NALCN: variants seen among roughly 807,000 people sequenced by gnomAD.
NALCN encodes the protein sodium leak channel, non-selective, also known as sodium leak channel NALCN.
Under a neutral mutation model 225.3 loss-of-function variants are expected in NALCN, and 111 were observed. That is an observed-to-expected ratio of 0.49 (90% CI 0.42 to 0.58). The LOEUF (loss-of-function observed/expected upper bound fraction) is 0.58. Among genes scored for constraint, NALCN ranks in the 20% least tolerant of loss-of-function variants. The pLI is 0.00. For synonymous variants in NALCN, 764 were observed against 769.0 expected (o/e 0.99, Z 0.11); for missense variants, 1,378 against 2,202.4 (o/e 0.63, Z 7.49).
intron 43 of NALCN, 149 bp from the exon 44 acceptor site, chr13:101,055,637 ATTCT>A (rs1222682523): frequency 5.2e-6 from 3 of 576,850 alleles, no homozygotes; most frequent in African/African-American, 3.8e-5. Flanking sequence ...TCAGGACTTG[ATTCT>A]TTATGTTCAC....
At chr13:101,196,392 A>G (rs999529123) in intron 13 of NALCN, among the ~76,000 whole-genome samples, 3 of 152,146 alleles carry the variant, frequency 2.0e-5, no homozygotes, top group Non-Finnish European at 4.4e-5. Flanking sequence ...TTACTCTCAT[A>G]GATATTATTC....
chr13:101,188,646 A>G (rs777601339), intron 14 of NALCN, among the ~76,000 whole-genome samples: 1 of 144,480 alleles, frequency 6.9e-6, no homozygotes, highest in Non-Finnish European at 1.5e-5. Flanking sequence ...ACATATATAC[A>G]CACACACACG....
chr13:101,109,270 GC>G (rs1361744041), intron 20 of NALCN, among the ~76,000 whole-genome samples: 1 of 152,178 alleles, frequency 6.6e-6, no homozygotes, highest in Non-Finnish European at 1.5e-5. Context: ...CAATATGGTA[GC>G]CAATCAGATA....
chr13:101,214,460 T>C (rs1408251336), intron 13 of NALCN, among the ~76,000 whole-genome samples: 1 of 151,776 alleles, frequency 6.6e-6, no homozygotes, highest in African/African-American at 2.4e-5. Flanking sequence ...AAAAAGTCTA[T>C]CCATCTGAGA....
Position 101,067,909 on chromosome 13 carries a change from C to A in NALCN, c.4446+9G>T. On this transcript the variant is annotated intron_variant, in intron 39 of 43. Coordinates refer to ENST00000251127, the MANE Select transcript of NALCN (RefSeq NM_052867.4). Reference sequence around the variant, plus strand: ...AGGTGAGGCATGAAACAACAACCCACTCCCATACCTCTCTTTTATCATCCA... The same window carrying A: ...AGGTGAGGCATGAAACAACAACCCAATCCCATACCTCTCTTTTATCATCCA... The A allele has an allele frequency of 6.3e-7, 1 of 1,579,696 alleles. No individual in the cohort carries two copies. The highest frequency in any genetic ancestry group is 8.7e-7 in the Non-Finnish European group (1 of 1,150,426).
At chr13:101,276,719 A>AT (rs2042983834) in intron 10 of NALCN, among the ~76,000 whole-genome samples, 1 of 152,272 alleles carries the variant, frequency 6.6e-6, no homozygotes, top group Non-Finnish European at 1.5e-5. Context: ...AATAGAGCCT[A>AT]TTTTTTCTGT....
intron 18 of NALCN, among the ~76,000 whole-genome samples, chr13:101,114,714 T>A (rs2035620633): frequency 6.6e-6 from 1 of 152,226 alleles, no homozygotes; most frequent in Non-Finnish European, 1.5e-5. Context: ...AACTGTGAGA[T>A]GAAAAACGTG....
At chr13:101,092,982 C>T (rs1042010272) in intron 28 of NALCN, among the ~76,000 whole-genome samples, 1 of 152,046 alleles carries the variant, frequency 6.6e-6, no homozygotes, top group Non-Finnish European at 1.5e-5. Flanking sequence ...TAGGGGCCAT[C>T]GCTTATTCAG....
At chr13:101,179,634 A>T (rs2139953599) in intron 14 of NALCN, among the ~76,000 whole-genome samples, 1 of 152,242 alleles carries the variant, frequency 6.6e-6, no homozygotes, top group South Asian at 2.1e-4. Flanking sequence ...AGGGGAACTG[A>T]TGAGGCTGTA....
At chr13:101,377,890 T>A (rs2046739700) in intron 4 of NALCN, among the ~76,000 whole-genome samples, 2 of 152,146 alleles carry the variant, frequency 1.3e-5, no homozygotes, top group Admixed American at 6.5e-5. Flanking sequence ...CAAAATCATG[T>A]CTGAATGAAT....
intron 10 of NALCN, among the ~76,000 whole-genome samples, chr13:101,270,481 T>C (rs529251501): frequency 6.6e-6 from 1 of 152,366 alleles, no homozygotes; most frequent in Non-Finnish European, 1.5e-5. Context: ...TGAAGCTAGC[T>C]GTCCTTTCTA....
intron 37 of NALCN, among the ~76,000 whole-genome samples, chr13:101,070,680 T>C (rs2032810620): frequency 6.6e-6 from 1 of 152,184 alleles, no homozygotes. Flanking sequence ...GCAGTAGGTC[T>C]CAAGAGTGGG....
chr13:101,258,746 C>A (rs566261197), intron 10 of NALCN, among the ~76,000 whole-genome samples, 172 bp from the exon 11 acceptor site: 1 of 152,300 alleles, frequency 6.6e-6, no homozygotes, highest in Non-Finnish European at 1.5e-5. Context: ...GCAAGGGAAC[C>A]TTTCTTTCAG....
intron 3 of NALCN, among the ~76,000 whole-genome samples, chr13:101,386,486 A>G (rs890997289): frequency 1.3e-5 from 2 of 152,164 alleles, no homozygotes; most frequent in African/African-American, 4.8e-5. Flanking sequence ...CTGGATGACT[A>G]AAGGAAAACT....
Position 101,143,152 on chromosome 13 carries a change from C to T in NALCN, c.2046G>A (p.Pro682=), listed in dbSNP as rs767690254. ...QDTCCLLRSL[P]TTSSSSCDHS... ...GGTCGCAGGAGGAGGAAGAGGTGGT[C>T]GGGAGGCTTCTCAGGAGGCAACATG... is the stretch of plus-strand genomic sequence containing the variant. The change falls in exon 17 of 44, where the codon CCG becomes CCA. Residue 682 remains proline, a synonymous_variant. Transcript: ENST00000251127. 1.6e-5 allele frequency: 26 copies of T among 1,613,914 alleles called. No individual in the cohort carries two copies. Among genetic ancestry groups the T allele is most frequent in the African/African-American group, 8.0e-5 (6 of 74,878 alleles).
intron 7 of NALCN, among the ~76,000 whole-genome samples, chr13:101,298,785 T>C (rs908170840): frequency 1.3e-5 from 2 of 152,182 alleles, no homozygotes; most frequent in Non-Finnish European, 2.9e-5. Flanking sequence ...ACCCCTGACC[T>C]CTACCCACTA....
chr13:101,228,259 C>T (rs533567032), intron 13 of NALCN, among the ~76,000 whole-genome samples: 1 of 152,102 alleles, frequency 6.6e-6, no homozygotes, highest in South Asian at 2.1e-4. Flanking sequence ...AAAAAAATCC[C>T]TAAAATAAAG....
At chr13:101,281,671 A>G (rs1410525207) in intron 10 of NALCN, among the ~76,000 whole-genome samples, 1 of 152,192 alleles carries the variant, frequency 6.6e-6, no homozygotes, top group Non-Finnish European at 1.5e-5. Flanking sequence ...ATAACTAACA[A>G]TAAACAAAAT....
chr13:101,168,990 G>T (rs2038586697), intron 15 of NALCN, among the ~76,000 whole-genome samples: 1 of 152,116 alleles, frequency 6.6e-6, no homozygotes, highest in Non-Finnish European at 1.5e-5. Flanking sequence ...CCAGATTTCA[G>T]TCTGCACCTG....
Sources: allele counts gnomAD v4.1 joint callset (sites outside exome capture counted in the v4.1 genomes callset), GRCh38; gene constraint gnomAD v4.1.1; transcripts MANE v1.5; gene names NCBI Gene and HGNC (gene_info 2026-07-23, HGNC 2026-07-21).